The following TPR variants were observed in gnomAD, a reference collection of about 807,000 sequenced individuals.
TPR encodes the protein nucleoprotein TPR.
Under a neutral mutation model 316.1 loss-of-function variants are expected in TPR, and 51 were observed. That is an observed-to-expected ratio of 0.16 (90% CI 0.13 to 0.20). The LOEUF is 0.20. Ranked by LOEUF, TPR falls within the 10% of genes least tolerant of loss-of-function variation. The probability of loss-of-function intolerance (pLI) is 1.00; values close to 1 mark genes in which losing one functional copy is unlikely to be tolerated. For missense variants in TPR, 2,272 were observed against 2,754.8 expected, an observed-to-expected ratio of 0.82 and a Z score of 3.92; for synonymous variants, 981 against 914.7, an observed-to-expected ratio of 1.07 and a Z score of -1.31.
At chr1:186,332,398 A>C (rs1024572839) in intron 37 of TPR, 55 bp from the exon 38 acceptor site, 35 of 1,583,794 alleles carry the variant, frequency 2.2e-5, no homozygotes, top group Non-Finnish European at 3.0e-5. Flanking sequence ...AATTTAGATA[A>C]AGATAGTTTA....
intron 10 of TPR, 27 bp downstream of exon 10, chr1:186,360,738 T>C (rs1467567056): frequency 6.2e-7 from 1 of 1,610,934 alleles, no homozygotes; most frequent in East Asian, 2.2e-5. Context: ...GTATTTCAAC[T>C]CACTAACAAG....
chr1:186,312,925 G>T lies in TPR; in HGVS notation c.*1046C>A, dbSNP rs752479638. 1.2e-5 allele frequency: 19 copies of T among 1,593,286 alleles called. No homozygotes were observed. In the South Asian group the frequency reaches 2.1e-4, roughly 18 times the overall value. On this transcript the variant is annotated 3_prime_UTR_variant, in exon 51 of 51. Transcript: ENST00000367478. ...GTATTAACTAACAGTTTCCCAAGGA[G>T]GTGATATCATTTGTGAAAACATGAA...
At chr1:186,365,118 G>A (rs1438656858) in intron 4 of TPR, among the ~76,000 whole-genome samples, 2 of 33,506 alleles carry the variant, frequency 6.0e-5, no homozygotes, top group African/African-American at 2.0e-4. Flanking sequence ...TTTTTTTGGA[G>A]ACAGTCTCGC....
chr1:186,368,899 T>C (rs1659423501), intron 3 of TPR, among the ~76,000 whole-genome samples: 1 of 152,196 alleles, frequency 6.6e-6, no homozygotes, highest in African/African-American at 2.4e-5. Context: ...TTTAGATCTT[T>C]CATCCATCTT....
chr1:186,332,732 A>C (rs1658206035), intron 37 of TPR, among the ~76,000 whole-genome samples: 1 of 152,160 alleles, frequency 6.6e-6, no homozygotes, highest in Non-Finnish European at 1.5e-5. Context: ...TATGTAAATC[A>C]GTATATAGTC....
chr1:186,361,241 A>C (rs922205415), intron 9 of TPR, among the ~76,000 whole-genome samples: 8 of 152,034 alleles, frequency 5.3e-5, no homozygotes, highest in African/African-American at 1.9e-4. Flanking sequence ...ACATTGAAAA[A>C]AGCAAAAATT....
intron 42 of TPR, 95 bp from the exon 43 acceptor site, chr1:186,323,965 T>A: frequency 7.9e-7 from 1 of 1,267,176 alleles, no homozygotes; most frequent in Non-Finnish European, 1.1e-6. Context: ...AACAGGAATG[T>A]TCACCGTACG....
intron 23 of TPR, 62 bp downstream of exon 23, chr1:186,346,073 T>C (rs1409933550): frequency 6.6e-7 from 1 of 1,509,702 alleles, no homozygotes; most frequent in African/African-American, 1.4e-5. Context: ...ACTAATGACT[T>C]AGTTGAAAGA....
At position 186,361,034 on chromosome 1, in the gene TPR, G is replaced by C. The variant is rs567490114; in HGVS notation, c.959-129C>G. 1,514 of 971,758 alleles carry C rather than the reference G, an allele frequency of 1.6e-3. 3 individuals are homozygous for C. The highest frequency in any genetic ancestry group is 2.0e-3 in the Non-Finnish European group (1,373 of 680,972). 60.2% of individuals were successfully genotyped at this position (971,758 alleles called of 1,614,324 possible). A position where few individuals can be genotyped will look rare whatever the true frequency, so the allele number is the denominator to read the frequency against. ...ATTTCTAGAGAGGCTTCAGCTGACA[G>C]TATCTATTGAAAGTTCTTGCTCTAC... On this transcript the variant is annotated intron_variant, in intron 9 of 50. Transcript: ENST00000367478.
chr1:186,325,921 A>C lies in TPR; in HGVS notation c.6022-67T>G, dbSNP rs1657918609. Reference sequence around the variant, plus strand: ...ATATGTTAAAAAAACCGGACAGAATAATTAACCAAACCAAACCACAACAAA... The same window carrying C: ...ATATGTTAAAAAAACCGGACAGAATCATTAACCAAACCAAACCACAACAAA... On this transcript the variant is annotated intron_variant, in intron 41 of 50. Coordinates refer to ENST00000367478, the MANE Select transcript of TPR (RefSeq NM_003292.3). The C allele has an allele frequency of 7.6e-6, 12 of 1,583,654 alleles. 1 individual carries two copies. In the South Asian group the frequency reaches 1.4e-4, roughly 18 times the overall value.
At chr1:186,326,052 G>T in intron 41 of TPR, 52 bp downstream of exon 41, 1 of 1,607,738 alleles carries the variant, frequency 6.2e-7, no homozygotes, top group East Asian at 2.2e-5. Context: ...AACAGCAAGT[G>T]AAAGAAAGCT....
intron 3 of TPR, among the ~76,000 whole-genome samples, chr1:186,368,303 T>A (rs185483028): frequency 2.6e-5 from 4 of 152,292 alleles, no homozygotes; most frequent in Admixed American, 2.6e-4. Context: ...AAAATTGAAT[T>A]ACTTAAAACT....
At chr1:186,352,544 C>A (rs1658894994) in intron 18 of TPR, among the ~76,000 whole-genome samples, 1 of 152,114 alleles carries the variant, frequency 6.6e-6, no homozygotes, top group Non-Finnish European at 1.5e-5. Context: ...TCCCCTCAAC[C>A]CCAAGAGTCT....
At chr1:186,371,616 C>G (rs1439599553) in intron 2 of TPR, among the ~76,000 whole-genome samples, 4 of 151,926 alleles carry the variant, frequency 2.6e-5, no homozygotes, top group Non-Finnish European at 5.9e-5. Flanking sequence ...CATAGGCTAA[C>G]TAGAAAAAAT....
rs1313163199 is a variant in TPR at position 186,313,362 on chromosome 1, T to C, written c.*609A>G. ...CTGTAATTTCATAATATGAATGACA[T>C]TGGCATGTATTTTTTAAAAGGAATA... On this transcript the variant is annotated 3_prime_UTR_variant, in exon 51 of 51. Transcript: ENST00000367478. 9 of 339,526 alleles carry C rather than the reference T, an allele frequency of 2.7e-5. No homozygotes were observed. Among genetic ancestry groups the C allele is most frequent in the East Asian group, 1.5e-4 (3 of 20,054 alleles). 21.0% of individuals were successfully genotyped at this position (339,526 alleles called of 1,614,324 possible).
Position 186,375,109 on chromosome 1 carries a change from A to ACGCCTGGGCCGC in TPR, c.-93_-82dup, listed in dbSNP as rs1482311144. On this transcript the variant is annotated 5_prime_UTR_variant, in exon 1 of 51. Coordinates refer to ENST00000367478, the MANE Select transcript of TPR (RefSeq NM_003292.3). Reference sequence around the variant, plus strand: ...AAAGGCGAAGACCAGCAGGACCCAGACGCCTGGGCCGCCGCCTCTATCACC... The same window carrying ACGCCTGGGCCGC: ...AAAGGCGAAGACCAGCAGGACCCAGACGCCTGGGCCGCCGCCTGGGCCGCCGCCTCTATCACC... The ACGCCTGGGCCGC allele has an allele frequency of 6.3e-7, 1 of 1,578,804 alleles. No homozygotes were observed.
intron 1 of TPR, 127 bp from the exon 2 acceptor site, chr1:186,373,590 A>C (rs937506244): frequency 5.7e-6 from 3 of 522,726 alleles, no homozygotes; most frequent in African/African-American, 5.7e-5. Flanking sequence ...TGTGCTCCAC[A>C]TAAGAGAATC....
intron 1 of TPR, 94 bp downstream of exon 1, chr1:186,374,784 G>C: frequency 7.5e-7 from 1 of 1,340,038 alleles, no homozygotes; most frequent in South Asian, 1.4e-5. Context: ...GAGGTTAACA[G>C]AGCGGTACCC....
intron 10 of TPR, 107 bp from the exon 11 acceptor site, chr1:186,360,471 C>T (rs1659152707): frequency 4.2e-6 from 5 of 1,187,352 alleles, no homozygotes; most frequent in Non-Finnish European, 2.3e-6. Context: ...ATAGTAATTC[C>T]TATAAAAATT....
Sources: allele counts gnomAD v4.1 joint callset (sites outside exome capture counted in the v4.1 genomes callset), GRCh38; gene constraint gnomAD v4.1.1; transcripts MANE v1.5; gene names NCBI Gene and HGNC (gene_info 2026-07-23, HGNC 2026-07-21).